Variants in LRP12 observed in about 807,000 individuals in gnomAD.
LRP12 encodes low-density lipoprotein receptor-related protein 12.
Under a neutral mutation model 66.0 loss-of-function variants are expected in LRP12, and 14 were observed. The ratio of observed to expected loss-of-function variants is 0.21; its 90% CI spans 0.14 to 0.33. The LOEUF (loss-of-function observed/expected upper bound fraction) is 0.33. Among genes scored for constraint, LRP12 ranks in the 10% least tolerant of loss-of-function variants. LRP12 has a pLI of 1.00. For missense variants in LRP12, 889 were observed against 1,053.4 expected, an observed-to-expected ratio of 0.84 and a Z score of 2.16; for synonymous variants, 357 against 359.1, an observed-to-expected ratio of 0.99 and a Z score of 0.07.
At chr8:104,506,431 T>C (rs919757235) in intron 3 of LRP12, 9 of 152,092 alleles carry the variant, frequency 5.9e-5, no homozygotes, top group Admixed American at 2.0e-4. Context: ...GTTTATTTTA[T>C]GGAAGTTTTT....
chr8:104,537,698 C>A (rs1314421668), intron 1 of LRP12, among the ~76,000 whole-genome samples: 1 of 152,092 alleles, frequency 6.6e-6, no homozygotes, highest in Non-Finnish European at 1.5e-5. Context: ...GAAAACAGTT[C>A]TTTCAAGATG....
Position 104,528,518 on chromosome 8 carries a change from T to C in LRP12, c.136+3389A>G, listed in dbSNP as rs916969095. ...GGCCGGGCACGGTGGCTCATGCCTG[T>C]AATGCCAGCACTTAGGGAGACCAAG... On this transcript the variant is annotated intron_variant, in intron 2 of 6. Coordinates refer to ENST00000276654, the MANE Select transcript of LRP12 (RefSeq NM_013437.5). Among the ~76,000 whole-genome samples, 8 of 152,156 alleles carry C rather than the reference T, an allele frequency of 5.3e-5. No homozygotes were observed. In the East Asian group the frequency reaches 9.6e-4, roughly 18 times the overall value.
At chr8:104,516,300 C>G (rs1811071776) in intron 2 of LRP12, among the ~76,000 whole-genome samples, 1 of 151,592 alleles carries the variant, frequency 6.6e-6, no homozygotes, top group Non-Finnish European at 1.5e-5. Flanking sequence ...GACTAGCCCC[C>G]ACAAAAGCCT....
At chr8:104,532,151 A>T (rs1269455868) in intron 1 of LRP12, among the ~76,000 whole-genome samples, 188 bp from the exon 2 acceptor site, 1 of 152,062 alleles carries the variant, frequency 6.6e-6, no homozygotes, top group Non-Finnish European at 1.5e-5. Context: ...GAAAACAAAC[A>T]TTTTGGAAAT....
intron 2 of LRP12, among the ~76,000 whole-genome samples, chr8:104,521,409 TATATA>T (rs1179036830): frequency 4.6e-5 from 7 of 151,240 alleles, no homozygotes; most frequent in African/African-American, 1.2e-4. Flanking sequence ...AGGTTACAAT[TATATA>T]ATATAAAGAT....
chr8:104,496,024 TA>T (rs1280746801), intron 5 of LRP12: 4 of 152,174 alleles, frequency 2.6e-5, no homozygotes, highest in Non-Finnish European at 5.9e-5. Flanking sequence ...ATCTGTTACG[TA>T]AAAAGTTGTT....
At chr8:104,561,939 TG>T (rs1811914757) in intron 1 of LRP12, among the ~76,000 whole-genome samples, 1 of 152,170 alleles carries the variant, frequency 6.6e-6, no homozygotes, top group Admixed American at 6.5e-5. Context: ...CAGTGAGGAA[TG>T]GTATTTAGAG....
At chr8:104,585,615 G>T (rs180782028) in intron 1 of LRP12, among the ~76,000 whole-genome samples, 27 of 152,178 alleles carry the variant, frequency 1.8e-4, no homozygotes, top group African/African-American at 6.5e-4. Flanking sequence ...TATTTAATGA[G>T]TCCAGACCAG....
rs754111251 is a variant in LRP12 at position 104,497,494 on chromosome 8, T to C, written c.1058A>G (p.His353Arg). ...VVSSSGQIRV[H>R]FCADKVNAAR... is the part of the protein sequence containing the mutation. Reference sequence around the variant, plus strand: ...AGCATTCACTTTATCAGCACAAAAATGTACCCTTATCTGTCCAGAAGAAGA... The same window carrying C: ...AGCATTCACTTTATCAGCACAAAAACGTACCCTTATCTGTCCAGAAGAAGA... The change falls in exon 5 of 7, where the codon CAT (histidine) becomes CGT (arginine). Residue 353 changes from histidine (H) to arginine (R), a missense_variant. Physicochemically the swap from His to Arg is conservative, Grantham distance 29 (BLOSUM62 0). Around this residue, in one of 3 missense-constraint regions of LRP12, gnomAD observed 800 missense variants for 964.5 expected, o/e 0.83. Transcript: ENST00000276654. The surrounding 1 kb of genome is among the most constrained non-coding windows in gnomAD (Gnocchi z 4.3). The C allele has an allele frequency of 1.2e-6, 2 of 1,614,122 alleles. No individual in the cohort carries two copies. The highest frequency in any genetic ancestry group is 1.7e-6 in the Non-Finnish European group (2 of 1,179,998).
At chr8:104,509,545 A>G (rs1166053110) in intron 2 of LRP12, among the ~76,000 whole-genome samples, 8 of 152,188 alleles carry the variant, frequency 5.3e-5, no homozygotes, top group African/African-American at 1.9e-4. Flanking sequence ...TATCAGATCA[A>G]CTGTCACAGT....
At chr8:104,579,987 G>A (rs1006409582) in intron 1 of LRP12, among the ~76,000 whole-genome samples, 1 of 152,036 alleles carries the variant, frequency 6.6e-6, no homozygotes, top group Non-Finnish European at 1.5e-5. Flanking sequence ...TGGAAGACAA[G>A]CTAGGCAATA....
In LRP12 at chr8:104,589,231, G is replaced by C. The variant is rs1052379553; in HGVS notation, c.-334C>G. Among the ~76,000 whole-genome samples the C allele has an allele frequency of 6.6e-6, 1 of 151,632 alleles. No individual in the cohort carries two copies. Among genetic ancestry groups the C allele is most frequent in the Non-Finnish European group, 1.5e-5 (1 of 67,790 alleles). On this transcript the variant is annotated 5_prime_UTR_variant, in exon 1 of 7. Coordinates refer to ENST00000276654, the MANE Select transcript of LRP12 (RefSeq NM_013437.5). ...CGGACTCCGGCCTCGCGCCGCTCGGGCTAGCCGGCGCCGCCACTCGCCAGA... is the reference window on the plus strand; with the variant it reads ...CGGACTCCGGCCTCGCGCCGCTCGGCCTAGCCGGCGCCGCCACTCGCCAGA...
intron 3 of LRP12, among the ~76,000 whole-genome samples, chr8:104,501,703 C>CAAAAAAA (rs35580913): frequency 8.4e-6 from 1 of 118,756 alleles, no homozygotes; most frequent in African/African-American, 2.9e-5. Context: ...GACTCCACCT[C>CAAAAAAA]AAAAAAAAAA....
chr8:104,557,015 C>A (rs1811820410), intron 1 of LRP12, among the ~76,000 whole-genome samples: 1 of 152,052 alleles, frequency 6.6e-6, no homozygotes, highest in Non-Finnish European at 1.5e-5. Context: ...ACAAAAATCA[C>A]AATCATCTCA....
intron 1 of LRP12, among the ~76,000 whole-genome samples, chr8:104,555,428 T>C (rs1230594395): frequency 6.6e-6 from 1 of 152,092 alleles, no homozygotes; most frequent in Non-Finnish European, 1.5e-5. Context: ...AAGAGACTCA[T>C]CTGAAACATA....
At chr8:104,532,177 T>C (rs1811333928) in intron 1 of LRP12, among the ~76,000 whole-genome samples, 1 of 151,812 alleles carries the variant, frequency 6.6e-6, no homozygotes, top group African/African-American at 2.4e-5. Context: ...CAAGGTAGTG[T>C]TATATATAAA....
intron 1 of LRP12, among the ~76,000 whole-genome samples, chr8:104,548,625 A>G (rs1564142511): frequency 2.1e-4 from 23 of 109,842 alleles, no homozygotes; most frequent in Non-Finnish European, 3.8e-4. Flanking sequence ...TTAATTATAT[A>G]ATTATTATAT....
chr8:104,496,850 C>T, intron 5 of LRP12, 122 bp downstream of exon 5: 6 of 954,144 alleles, frequency 6.3e-6, no homozygotes, highest in Non-Finnish European at 7.1e-6. Flanking sequence ...ACATCATCAA[C>T]AATCTTTATC....
intron 1 of LRP12, among the ~76,000 whole-genome samples, chr8:104,545,809 C>A (rs1811547248): frequency 1.3e-5 from 2 of 152,244 alleles, no homozygotes; most frequent in Non-Finnish European, 1.5e-5. Context: ...GGTCTGGAAC[C>A]AAACCATATC....
Sources: allele counts gnomAD v4.1 joint callset (sites outside exome capture counted in the v4.1 genomes callset), GRCh38; gene constraint gnomAD v4.1.1; regional missense constraint gnomAD v4.1.1; non-coding constraint Gnocchi (gnomAD v3.1); transcripts MANE v1.5; gene names NCBI Gene and HGNC (gene_info 2026-07-23, HGNC 2026-07-21).